The following NUP43 variants were observed in gnomAD, a reference collection of about 807,000 sequenced individuals.
NUP43 encodes nucleoporin Nup43.
In NUP43, 32 loss-of-function variants were observed where a neutral mutation model predicts 47.3. The observed-to-expected ratio is 0.68, with a 90% CI of 0.51 to 0.91. The LOEUF (loss-of-function observed/expected upper bound fraction) is 0.91, where lower values mean the gene tolerates loss of function less well. Ranked by LOEUF, NUP43 falls within the 40% of genes least tolerant of loss-of-function variation. The pLI, the probability that NUP43 is intolerant of heterozygous loss-of-function variation, is 0.00. For synonymous variants in NUP43, 147 were observed against 158.4 expected, an observed-to-expected ratio of 0.93 and a Z score of 0.54; for missense variants, 444 against 453.9, an observed-to-expected ratio of 0.98 and a Z score of 0.20.
At position 149,736,642 on chromosome 6, in the gene NUP43, T is replaced by C. The variant is rs1785375173; in HGVS notation, c.639-20A>G. 5 of 1,562,530 alleles carry C rather than the reference T, an allele frequency of 3.2e-6. No individual in the cohort carries two copies. Among genetic ancestry groups the C allele is most frequent in the African/African-American group, 1.3e-5 (1 of 74,126 alleles). On this transcript the variant is annotated intron_variant, in intron 5 of 7. Coordinates refer to ENST00000340413, the MANE Select transcript of NUP43 (RefSeq NM_198887.3). ...CCAGTCCTTTTGTGGGAGATAACAA[T>C]GACGTCAAAATCAAATAAAGTATAA...
At chr6:149,734,119 C>G (rs770882455) in intron 6 of NUP43, among the ~76,000 whole-genome samples, 5 of 151,964 alleles carry the variant, frequency 3.3e-5, no homozygotes, top group African/African-American at 1.2e-4. Context: ...CCACCGCCCC[C>G]GGCCATCATT....
In NUP43 at chr6:149,727,403, A is replaced by G. The variant is rs1011412015; in HGVS notation, c.914-205T>C. On this transcript the variant is annotated intron_variant, in intron 7 of 7. Coordinates refer to ENST00000340413, the MANE Select transcript of NUP43 (RefSeq NM_198887.3). ...TTAAATATTCAAATTTCCATGGGAT[A>G]ATATGGATACCAAACTCGAAGTCTT... is the stretch of plus-strand genomic sequence containing the variant. 5 of 984,242 alleles carry G rather than the reference A, an allele frequency of 5.1e-6. No individual in the cohort carries two copies. The African/African-American group carries it at 8.8e-5, about 17-fold the overall frequency. The allele number at this position is 984,242 out of a possible 1,614,324, so 61.0% of individuals were successfully genotyped here.
intron 6 of NUP43, among the ~76,000 whole-genome samples, chr6:149,734,740 G>C (rs1007784306): frequency 6.8e-6 from 1 of 147,716 alleles, no homozygotes; most frequent in Non-Finnish European, 1.5e-5. Context: ...AGAGGTTTCA[G>C]TGAACCGCGA....
chr6:149,737,633 T>C (rs1785433693), intron 5 of NUP43, among the ~76,000 whole-genome samples: 1 of 152,144 alleles, frequency 6.6e-6, no homozygotes, highest in Admixed American at 6.6e-5. Context: ...ATCTTTTTTT[T>C]ATTTGAGACA....
At chr6:149,736,845 T>C (rs1018649430) in intron 5 of NUP43, among the ~76,000 whole-genome samples, 13 of 152,148 alleles carry the variant, frequency 8.5e-5, no homozygotes, top group Admixed American at 6.5e-5. Flanking sequence ...TGTACCATCA[T>C]GCCTGGTTAA....
upstream of NUP43, among the ~76,000 whole-genome samples, chr6:149,749,084 T>C (rs922852073): frequency 8.6e-5 from 13 of 151,700 alleles, no homozygotes; most frequent in Non-Finnish European, 5.9e-5. Context: ...TGTACGTTGG[T>C]ATTATTCTAA....
chr6:149,743,850 A>T, intron 2 of NUP43, 135 bp from the exon 3 acceptor site: 1 of 566,018 alleles, frequency 1.8e-6, no homozygotes, highest in East Asian at 3.0e-5. Flanking sequence ...CTAAGGAAAT[A>T]AAATGTGTTA....
chr6:149,748,623 C>G (rs1786149116), upstream of NUP43, among the ~76,000 whole-genome samples: 1 of 151,890 alleles, frequency 6.6e-6, no homozygotes, highest in Non-Finnish European at 1.5e-5. Flanking sequence ...TCCTGGCTAA[C>G]ACGGTGAAAC....
At chr6:149,746,304 C>A in intron 1 of NUP43, 72 bp downstream of exon 1, 3 of 1,576,276 alleles carry the variant, frequency 1.9e-6, no homozygotes, top group Admixed American at 1.7e-5. Flanking sequence ...GGAGTTGGCG[C>A]GCGGAAGGCC....
rs2115068432 is a variant in NUP43, at chr6:149,726,893, C to A, written c.*76G>T. ...CCTGCAAATCTCGTATTTTCTGATACTAAAATTTTGCACAGAAGTTGGATT... is the reference window on the plus strand; with the variant it reads ...CCTGCAAATCTCGTATTTTCTGATAATAAAATTTTGCACAGAAGTTGGATT... On this transcript the variant is annotated 3_prime_UTR_variant, in exon 8 of 8. Coordinates refer to ENST00000340413, the MANE Select transcript of NUP43 (RefSeq NM_198887.3). 1 of 1,109,462 alleles carries A rather than the reference C, an allele frequency of 9.0e-7. No homozygotes were observed. Among genetic ancestry groups the A allele is most frequent in the Non-Finnish European group, 1.3e-6 (1 of 747,582 alleles). The allele number at this position is 1,109,462 out of a possible 1,614,324, so 68.7% of individuals were successfully genotyped here.
chr6:149,748,184 T>C (rs1172791506), upstream of NUP43, among the ~76,000 whole-genome samples: 1 of 152,030 alleles, frequency 6.6e-6, no homozygotes, highest in Non-Finnish European at 1.5e-5. Context: ...GGCATGGTGG[T>C]GCGTGCCTGT....
intron 7 of NUP43, chr6:149,727,918 C>T: frequency 1.0e-6 from 1 of 984,606 alleles, no homozygotes; most frequent in Non-Finnish European, 1.2e-6. Flanking sequence ...ATTCACTCAA[C>T]AAATGACTGA....
At chr6:149,727,535 AAG>A in intron 7 of NUP43, 1 of 983,412 alleles carries the variant, frequency 1.0e-6, no homozygotes, top group Non-Finnish European at 1.2e-6. Context: ...AAAGAAAAAA[AAG>A]AAACCAAAAA....
chr6:149,737,428 T>C (rs1032707306), intron 5 of NUP43, among the ~76,000 whole-genome samples: 1 of 152,044 alleles, frequency 6.6e-6, no homozygotes. Flanking sequence ...AGGCACATGC[T>C]ACCGTGCCAG....
intron 4 of NUP43, among the ~76,000 whole-genome samples, chr6:149,739,276 C>A (rs1785522576): frequency 6.6e-6 from 1 of 151,722 alleles, no homozygotes; most frequent in Non-Finnish European, 1.5e-5. Context: ...CCACGCCTGG[C>A]CTACTGTTTT....
chr6:149,737,391 C>T (rs886333398), intron 5 of NUP43, among the ~76,000 whole-genome samples: 3 of 151,940 alleles, frequency 2.0e-5, no homozygotes, highest in Non-Finnish European at 4.4e-5. Flanking sequence ...AGCCTTTTGC[C>T]TCAGCCTCCC....
At position 149,727,170 on chromosome 6, in the gene NUP43, A is replaced by G; in HGVS notation, c.942T>C (p.His314=). Residue 314 remains histidine, a synonymous_variant, in exon 8 of 8, where the codon CAT becomes CAC. Coordinates refer to ENST00000340413, the MANE Select transcript of NUP43 (RefSeq NM_198887.3). The part of the protein sequence containing the change: ...QGGRSSTFLS[H]SISNQANVHQ... ...GAACATTAGCTTGGTTACTAATGCT[A>G]TGAGACAAAAAAGTACTGCTTCTTC... is the stretch of plus-strand genomic sequence containing the variant. 9 of 1,614,106 alleles carry G rather than the reference A, an allele frequency of 5.6e-6. No individual in the cohort carries two copies. Among genetic ancestry groups the G allele is most frequent in the Non-Finnish European group, 7.6e-6 (9 of 1,179,978 alleles).
intron 5 of NUP43, among the ~76,000 whole-genome samples, chr6:149,738,337 C>G (rs1028989606): frequency 2.6e-5 from 4 of 152,038 alleles, no homozygotes; most frequent in African/African-American, 9.7e-5. Context: ...TTATATTTTT[C>G]CCCCAATCAT....
chr6:149,749,164 C>T (rs370241178), upstream of NUP43, among the ~76,000 whole-genome samples: 255 of 151,332 alleles, frequency 1.7e-3, 1 homozygote, highest in African/African-American at 6.0e-3. Flanking sequence ...GCTTTAGAAC[C>T]GGGGTTCCAA....
Sources: allele counts gnomAD v4.1 joint callset (sites outside exome capture counted in the v4.1 genomes callset), GRCh38; gene constraint gnomAD v4.1.1; transcripts MANE v1.5; gene names NCBI Gene and HGNC (gene_info 2026-07-23, HGNC 2026-07-21).